CMPK1: variants seen among roughly 807,000 people sequenced by gnomAD.
CMPK1 encodes the protein cytidine/uridine monophosphate kinase 1, also known as UMP-CMP kinase.
In CMPK1, 10 loss-of-function variants were observed where a neutral mutation model predicts 25.7. The ratio of observed to expected loss-of-function variants is 0.39; its 90% confidence interval spans 0.24 to 0.66. The LOEUF is 0.66. Among genes scored for constraint, CMPK1 ranks in the 30% least tolerant of loss-of-function variants. CMPK1 has a pLI of 0.48. For synonymous variants in CMPK1, 106 were observed against 101.5 expected, an observed-to-expected ratio of 1.04 and a Z score of -0.27; for missense variants, 199 against 280.5, an observed-to-expected ratio of 0.71 and a Z score of 2.08.
chr1:47,362,042 G>C (rs1164867886), intron 1 of CMPK1, among the ~76,000 whole-genome samples: 2 of 151,312 alleles, frequency 1.3e-5, no homozygotes, highest in Non-Finnish European at 2.9e-5. Flanking sequence ...GGCTAATTTT[G>C]TATTTTTAGT....
intron 1 of CMPK1, among the ~76,000 whole-genome samples, chr1:47,361,108 T>C (rs977980954): frequency 1.3e-5 from 2 of 152,008 alleles, no homozygotes; most frequent in Non-Finnish European, 2.9e-5. Flanking sequence ...TAAGGTGGAC[T>C]TGTTGGGCGT....
intron 3 of CMPK1, among the ~76,000 whole-genome samples, chr1:47,374,630 C>T (rs538038299): frequency 7.2e-5 from 11 of 152,062 alleles, no homozygotes; most frequent in African/African-American, 2.7e-4. Context: ...TGGAATCATA[C>T]ACATACAGAT....
At chr1:47,362,019 C>T (rs556098238) in intron 1 of CMPK1, among the ~76,000 whole-genome samples, 7 of 151,682 alleles carry the variant, frequency 4.6e-5, no homozygotes, top group South Asian at 4.2e-4. Context: ...TACAGGCATG[C>T]GCCACTATGC....
intron 1 of CMPK1, among the ~76,000 whole-genome samples, chr1:47,354,683 T>C (rs1306718276): frequency 6.7e-6 from 1 of 148,472 alleles, no homozygotes; most frequent in Middle Eastern, 3.5e-3. Flanking sequence ...CTTCATAATA[T>C]GCACAATAGT....
At chr1:47,375,400 T>C (rs1318049022) in intron 5 of CMPK1, 107 bp downstream of exon 5, 3 of 732,654 alleles carry the variant, frequency 4.1e-6, no homozygotes, top group Non-Finnish European at 6.5e-6. Flanking sequence ...TTAGTTAGTT[T>C]TTCAAGACAC....
intron 1 of CMPK1, among the ~76,000 whole-genome samples, chr1:47,355,576 G>A (rs1191330487): frequency 3.3e-5 from 5 of 151,932 alleles, no homozygotes; most frequent in African/African-American, 1.2e-4. Flanking sequence ...GCTTCCCAAA[G>A]TGCTGGGATT....
In CMPK1 at chr1:47,372,946, T is replaced by C. The variant is rs1022000350; in HGVS notation, c.319-9T>C. Reference sequence around the variant, plus strand: ...GTTGTATTGAACCTAAATCTTCTTTTTCCTTTAGGAAATGGATCAGACAAT... The same window carrying C: ...GTTGTATTGAACCTAAATCTTCTTTCTCCTTTAGGAAATGGATCAGACAAT... On this transcript the variant is annotated splice_polypyrimidine_tract_variant and intron_variant, in intron 2 of 5. Coordinates refer to ENST00000371873, the MANE Select transcript of CMPK1 (RefSeq NM_016308.3). 2 of 1,601,958 alleles carry C rather than the reference T, an allele frequency of 1.2e-6. No individual in the cohort carries two copies. The highest frequency in any genetic ancestry group is 1.1e-5 in the South Asian group (1 of 88,974).
chr1:47,355,726 C>G (rs1193805306), intron 1 of CMPK1, among the ~76,000 whole-genome samples: 1 of 151,980 alleles, frequency 6.6e-6, no homozygotes, highest in Non-Finnish European at 1.5e-5. Flanking sequence ...CATGCCTCAG[C>G]CCCGCAAGTA....
chr1:47,345,496 CTTT>C (rs758503471), intron 1 of CMPK1, among the ~76,000 whole-genome samples: 4 of 142,764 alleles, frequency 2.8e-5, no homozygotes, highest in African/African-American at 5.1e-5. Flanking sequence ...AATTTAATTT[CTTT>C]TTTTTTTTTT....
intron 1 of CMPK1, among the ~76,000 whole-genome samples, chr1:47,350,729 C>G (rs1646516994): frequency 6.6e-6 from 1 of 151,736 alleles, no homozygotes. Flanking sequence ...ACCGTCTCTA[C>G]TAAAAATGCA....
Position 47,372,942 on chromosome 1 carries a change from CT to C in CMPK1, c.319-8del. ...TAATGTTGTATTGAACCTAAATCTTCTTTTTCCTTTAGGAAATGGATCAGAC... is the reference window on the plus strand; with the variant it reads ...TAATGTTGTATTGAACCTAAATCTTCTTTTCCTTTAGGAAATGGATCAGAC... On this transcript the variant is annotated splice_polypyrimidine_tract_variant and intron_variant, in intron 2 of 5. Coordinates refer to ENST00000371873, the MANE Select transcript of CMPK1 (RefSeq NM_016308.3). 1.3e-6 allele frequency: 2 copies of C among 1,599,936 alleles called. No homozygotes were observed. The highest frequency in any genetic ancestry group is 1.7e-6 in the Non-Finnish European group (2 of 1,175,366).
chr1:47,354,203 C>T (rs1039822154), intron 1 of CMPK1, among the ~76,000 whole-genome samples: 3 of 152,028 alleles, frequency 2.0e-5, no homozygotes, highest in Admixed American at 2.0e-4. Context: ...TGATGGCATG[C>T]TCGTAGTCCC....
intron 1 of CMPK1, among the ~76,000 whole-genome samples, chr1:47,347,766 C>T (rs1189067981): frequency 1.3e-5 from 2 of 152,150 alleles, no homozygotes; most frequent in Non-Finnish European, 2.9e-5. Context: ...GCTAGGACTA[C>T]AGGCATGCGC....
intron 1 of CMPK1, chr1:47,358,176 GTT>G (rs1462097692): frequency 2.5e-6 from 1 of 393,460 alleles, no homozygotes; most frequent in Non-Finnish European, 4.9e-6. Context: ...CAGTGGTACA[GTT>G]ATAGCTTACT....
In CMPK1 at chr1:47,346,788, C is replaced by T. The variant is rs144799714; in HGVS notation, c.171+12672C>T. Among the ~76,000 whole-genome samples, 344 of 152,052 alleles carry T rather than the reference C, an allele frequency of 2.3e-3. 2 individuals are homozygous for T. The highest frequency in any genetic ancestry group is 8.0e-3 in the African/African-American group (330 of 41,462). ...AAAATGCTGGGATTACAGGCATGAGCCACCGTGCCCGGCCCGTTTGTTTGC... is the reference window on the plus strand; with the variant it reads ...AAAATGCTGGGATTACAGGCATGAGTCACCGTGCCCGGCCCGTTTGTTTGC... On this transcript the variant is annotated intron_variant, in intron 1 of 5. Transcript: ENST00000371873.
chr1:47,336,321 G>A (rs1395316002), intron 1 of CMPK1, among the ~76,000 whole-genome samples: 6 of 152,078 alleles, frequency 3.9e-5, no homozygotes, highest in African/African-American at 1.4e-4. Context: ...CAGAGATGTT[G>A]TTGCCTTTAG....
intron 1 of CMPK1, among the ~76,000 whole-genome samples, chr1:47,347,014 C>T (rs2149327124): frequency 6.6e-6 from 1 of 152,114 alleles, no homozygotes; most frequent in East Asian, 1.9e-4. Context: ...AACTCCTAAC[C>T]TCAGATGATC....
At chr1:47,358,743 A>G in intron 1 of CMPK1, 2 of 984,646 alleles carry the variant, frequency 2.0e-6, no homozygotes, top group Non-Finnish European at 2.4e-6. Context: ...TTATTTCCCC[A>G]TTAGTTTGAT....
rs1188777106 is a variant in CMPK1, at chr1:47,378,310, C to T, written c.*1565C>T. ...GGAAGAGATAGGAATGAGTTCTTAT[C>T]TAGTGTTGCAGGCCAGCAAATACAG... On this transcript the variant is annotated 3_prime_UTR_variant, in exon 6 of 6. Transcript: ENST00000371873. 1 of 152,054 alleles carries T rather than the reference C, an allele frequency of 6.6e-6. No homozygotes were observed. Among genetic ancestry groups the T allele is most frequent in the African/African-American group, 2.4e-5 (1 of 41,398 alleles). 9.4% of individuals were successfully genotyped at this position (152,054 alleles called of 1,614,324 possible). A position where few individuals can be genotyped will look rare whatever the true frequency, so the allele number is the denominator to read the frequency against.
Sources: gnomAD v4.1 joint callset for allele counts (sites outside exome capture counted in the v4.1 genomes callset) on GRCh38, gnomAD v4.1.1 for gene constraint, MANE v1.5 for transcripts, NCBI Gene and HGNC (gene_info 2026-07-23, HGNC 2026-07-21) for gene names.